The following CTTNBP2 variants were observed in gnomAD, a reference collection of about 807,000 sequenced individuals.
CTTNBP2 encodes the protein cortactin-binding protein 2.
A neutral mutation model predicts 156.9 loss-of-function variants in CTTNBP2; 108 were observed. The ratio of observed to expected loss-of-function variants is 0.69; its 90% CI spans 0.59 to 0.81. The LOEUF (loss-of-function observed/expected upper bound fraction) is 0.81. Ranked by LOEUF, CTTNBP2 falls within the 30% of genes least tolerant of loss-of-function variation. CTTNBP2 has a pLI of 0.00. For synonymous variants in CTTNBP2, 767 were observed against 751.8 expected, an observed-to-expected ratio of 1.02 and a Z score of -0.33; for missense variants, 1,924 against 2,035.4, an observed-to-expected ratio of 0.95 and a Z score of 1.05.
At chr7:117,767,582 C>G (rs919711027) in intron 8 of CTTNBP2, among the ~76,000 whole-genome samples, 1 of 152,160 alleles carries the variant, frequency 6.6e-6, no homozygotes, top group Non-Finnish European at 1.5e-5. Context: ...GTCTTCTAGA[C>G]TATAAATGGC....
intron 3 of CTTNBP2, among the ~76,000 whole-genome samples, chr7:117,805,731 A>C (rs1295092473): frequency 2.0e-5 from 3 of 152,020 alleles, no homozygotes; most frequent in Non-Finnish European, 4.4e-5. Context: ...CTACTTTTAC[A>C]GATTTTTAAA....
intron 2 of CTTNBP2, among the ~76,000 whole-genome samples, chr7:117,812,571 A>T (rs1407637714): frequency 6.6e-6 from 1 of 152,162 alleles, no homozygotes; most frequent in Non-Finnish European, 1.5e-5. Context: ...CCAGTTTCAC[A>T]ATTAAATTTA....
intron 21 of CTTNBP2, among the ~76,000 whole-genome samples, 165 bp from the exon 22 acceptor site, chr7:117,718,284 T>A (rs191974311): frequency 2.0e-5 from 3 of 152,050 alleles, no homozygotes; most frequent in African/African-American, 7.2e-5. Flanking sequence ...CAAGTCTTAA[T>A]GTAAAACTGA....
rs1476805307 is a variant in CTTNBP2 at position 117,817,352 on chromosome 7, AAAAAAAAAAATAT to A, written c.190-6376_190-6364del. 1.0e-3 allele frequency among the ~76,000 whole-genome samples: 94 copies of A among 89,790 alleles called. 10 individuals carry two copies. The highest frequency in any genetic ancestry group is 3.9e-3 in the African/African-American group (83 of 21,304). 58.9% of individuals were successfully genotyped at this position (89,790 alleles called of 152,430 possible). A position where few individuals can be genotyped will look rare whatever the true frequency, so the allele number is the denominator to read the frequency against. ...CCATCTCAAAAAAAAAAAAAAAAAA[AAAAAAAAAAATAT>A]ATATATATATATATATATATATAAT... On this transcript the variant is annotated intron_variant, in intron 2 of 22. Coordinates refer to ENST00000160373, the MANE Select transcript of CTTNBP2 (RefSeq NM_033427.3).
chr7:117,800,467 A>C (rs1303023317), intron 3 of CTTNBP2, among the ~76,000 whole-genome samples: 1 of 152,160 alleles, frequency 6.6e-6, no homozygotes, highest in South Asian at 2.1e-4. Flanking sequence ...AAAACTCATT[A>C]ATTTTTAGAC....
chr7:117,788,489 C>T (rs1365654649), intron 4 of CTTNBP2, among the ~76,000 whole-genome samples: 4 of 152,256 alleles, frequency 2.6e-5, no homozygotes, highest in Non-Finnish European at 5.9e-5. Flanking sequence ...GAATCAGTGG[C>T]TGTTTGGAAG....
intron 12 of CTTNBP2, among the ~76,000 whole-genome samples, chr7:117,755,136 T>C (rs1407127989): frequency 1.3e-5 from 2 of 152,194 alleles, no homozygotes; most frequent in African/African-American, 2.4e-5. Context: ...CATACTTTCA[T>C]GCTTTTAGGA....
rs77675502 is a variant in CTTNBP2, at chr7:117,746,879, G to T, written c.3349-780C>A. ...TATATATTTTTTAAACTTTATCCTCGTGTATAAGGATACCTCGCCTGAGAA... is the reference window on the plus strand; with the variant it reads ...TATATATTTTTTAAACTTTATCCTCTTGTATAAGGATACCTCGCCTGAGAA... On this transcript the variant is annotated intron_variant, in intron 12 of 22. Transcript: ENST00000160373. Among the ~76,000 whole-genome samples, 1,365 of 152,182 alleles carry T rather than the reference G, an allele frequency of 9.0e-3. 27 individuals carry two copies. The highest frequency in any genetic ancestry group is 0.031 in the African/African-American group (1,294 of 41,496).
At chr7:117,801,563 G>T (rs1799603735) in intron 3 of CTTNBP2, among the ~76,000 whole-genome samples, 1 of 152,108 alleles carries the variant, frequency 6.6e-6, no homozygotes, top group African/African-American at 2.4e-5. Flanking sequence ...ATGTGGATTA[G>T]AAAAAATGCT....
rs185479718 is a variant in CTTNBP2 at position 117,848,312 on chromosome 7, G to A, written c.189+12897C>T. Among the ~76,000 whole-genome samples the A allele has an allele frequency of 2.5e-3, 380 of 152,084 alleles. 3 individuals carry two copies. Among genetic ancestry groups the A allele is most frequent in the African/African-American group, 8.3e-3 (346 of 41,474 alleles). On this transcript the variant is annotated intron_variant, in intron 2 of 22. Transcript: ENST00000160373. ...CTCTGCTGTGGTGCCCATCCCTCTC[G>A]AAATCCCACTGTCTTGCCCACGCCT...
intron 2 of CTTNBP2, among the ~76,000 whole-genome samples, chr7:117,817,383 T>TATATATATATATATAG (rs1355197085): frequency 8.3e-6 from 1 of 120,534 alleles, no homozygotes; most frequent in African/African-American, 3.0e-5. Flanking sequence ...TATATATATA[T>TATATATATATATATAG]ATATAATTTC....
At chr7:117,865,981 ATATAG>A (rs1330020403) in intron 1 of CTTNBP2, among the ~76,000 whole-genome samples, 11 of 148,360 alleles carry the variant, frequency 7.4e-5, no homozygotes, top group Admixed American at 4.0e-4. Context: ...ATATACATAT[ATATAG>A]TATATTATGT....
intron 4 of CTTNBP2, among the ~76,000 whole-genome samples, chr7:117,785,478 T>C (rs375127895): frequency 4.6e-5 from 7 of 152,340 alleles, no homozygotes; most frequent in African/African-American, 9.6e-5. Context: ...ACCTGTAACA[T>C]TGTTGTGCAT....
At chr7:117,809,152 C>A (rs6942670) in intron 3 of CTTNBP2, among the ~76,000 whole-genome samples, 5,404 of 150,568 alleles carry the variant, frequency 0.036, 145 homozygotes, top group African/African-American at 0.062. Context: ...TGGAAATGAC[C>A]CAGTCATTCA....
At chr7:117,726,685 G>A (rs899297054) in intron 17 of CTTNBP2, among the ~76,000 whole-genome samples, 2 of 152,214 alleles carry the variant, frequency 1.3e-5, no homozygotes, top group African/African-American at 4.8e-5. Context: ...GCCAAGGGTC[G>A]ACAGAGTTGC....
At chr7:117,861,007 CA>C (rs1261050123) in intron 2 of CTTNBP2, among the ~76,000 whole-genome samples, 3 of 152,184 alleles carry the variant, frequency 2.0e-5, no homozygotes, top group African/African-American at 7.2e-5. Context: ...CGGCCCCCAG[CA>C]TTTCAATGAC....
chr7:117,777,993 T>C (rs1450969734), intron 7 of CTTNBP2, among the ~76,000 whole-genome samples: 1 of 152,176 alleles, frequency 6.6e-6, no homozygotes, highest in East Asian at 1.9e-4. Flanking sequence ...TTTGTAATCA[T>C]TTCTACCTAC....
intron 2 of CTTNBP2, among the ~76,000 whole-genome samples, chr7:117,846,953 A>G (rs1017645089): frequency 6.6e-6 from 1 of 152,182 alleles, no homozygotes. Flanking sequence ...AATGTTTACC[A>G]GGAGTTACAC....
In CTTNBP2 at chr7:117,784,415, C is replaced by A; in HGVS notation, c.2108G>T (p.Gly703Val). ...GGGCCTGCCAGCCAGGGGGGCAGGA[C>A]CACCACTCATTAGCAAAGGGGTTAG... ...PSLTPLLMSG[G>V]PAPLAGRPTL... Residue 703 changes from glycine (G) to valine (V), a missense_variant, in exon 5 of 23, where the codon GGT becomes GTT. Transcript: ENST00000160373. 1.2e-6 allele frequency: 2 copies of A among 1,610,390 alleles called. No homozygotes were observed. Among genetic ancestry groups the A allele is most frequent in the Non-Finnish European group, 8.5e-7 (1 of 1,178,876 alleles).
Sources: gnomAD v4.1 joint callset for allele counts (sites outside exome capture counted in the v4.1 genomes callset) on GRCh38, gnomAD v4.1.1 for gene constraint, MANE v1.5 for transcripts, NCBI Gene and HGNC (gene_info 2026-07-23, HGNC 2026-07-21) for gene names.